ZNF425: variants seen among roughly 807,000 people sequenced by gnomAD.
ZNF425 encodes zinc finger protein 425.
Under a neutral mutation model 17.0 loss-of-function variants are expected in ZNF425, and 21 were observed. The ratio of observed to expected loss-of-function variants is 1.23; its 90% CI spans 0.88 to 1.78. The LOEUF is 1.78. Ranked by LOEUF, ZNF425 falls within the 40% of genes most tolerant of loss-of-function variation. The pLI is 0.00. For missense variants in ZNF425, 868 were observed against 967.3 expected (o/e 0.90, Z 1.36); for synonymous variants, 433 against 384.1 (o/e 1.13, Z -1.49).
chr7:149,113,569 T>TTTTTTTTTTTTG (rs3084492), intron 2 of ZNF425: 2 of 146,142 alleles, frequency 1.4e-5, no homozygotes, highest in African/African-American at 5.3e-5. Context: ...TTTTTTTTTT[T>TTTTTTTTTTTTG]GAGACGGAGT....
At chr7:149,125,983 C>T (rs1329302446) in intron 1 of ZNF425, 2 of 1,066,432 alleles carry the variant, frequency 1.9e-6, no homozygotes, top group Non-Finnish European at 2.7e-6. Context: ...CGGCCAAGCC[C>T]GGCCAGACCA....
In ZNF425 at chr7:149,112,973, C is replaced by CT. The variant is rs35291501; in HGVS notation, c.146-679dup. Among the ~76,000 whole-genome samples, 651 of 123,928 alleles carry CT rather than the reference C, an allele frequency of 5.3e-3. 8 individuals carry two copies. The highest frequency in any genetic ancestry group is 9.1e-3 in the East Asian group (40 of 4,410). The allele number at this position is 123,928 out of a possible 152,430, so 81.3% of individuals were successfully genotyped here. Reference sequence around the variant, plus strand: ...AGCCACCGCGCCCAGCCCCGTGACCCTTTTTTTTTTTTTTTTTTTTTTAGA... The same window carrying CT: ...AGCCACCGCGCCCAGCCCCGTGACCCTTTTTTTTTTTTTTTTTTTTTTTAGA... On this transcript the variant is annotated intron_variant, in intron 2 of 3. Transcript: ENST00000378061.
At chr7:149,125,915 C>A in intron 1 of ZNF425, 1 of 607,330 alleles carries the variant, frequency 1.6e-6, no homozygotes, top group East Asian at 2.9e-5. Flanking sequence ...GCAGAGCTCC[C>A]GGGCTCAAGC....
At chr7:149,125,577 G>A (rs554928874) in intron 1 of ZNF425, 15 of 155,008 alleles carry the variant, frequency 9.7e-5, no homozygotes, top group Non-Finnish European at 1.9e-4. Flanking sequence ...GAGGTTCAGA[G>A]CCCCGACACT....
At chr7:149,105,948 A>ATT (rs1563145216) in intron 3 of ZNF425, among the ~76,000 whole-genome samples, 2 of 118,234 alleles carry the variant, frequency 1.7e-5, no homozygotes, top group East Asian at 5.1e-4. Context: ...TTTAAAAAAA[A>ATT]TTTTTTTCCT....
At chr7:149,111,094 C>T (rs1209434456) in intron 3 of ZNF425, among the ~76,000 whole-genome samples, 1 of 151,930 alleles carries the variant, frequency 6.6e-6, no homozygotes, top group Non-Finnish European at 1.5e-5. Context: ...CACGCCCGGC[C>T]ATCCCTTGCC....
chr7:149,117,901 C>T (rs909044812), intron 2 of ZNF425, among the ~76,000 whole-genome samples: 1 of 152,046 alleles, frequency 6.6e-6, no homozygotes, highest in African/African-American at 2.4e-5. Flanking sequence ...ATCCACCCGC[C>T]TCAGCCTCCC....
chr7:149,111,550 C>G (rs1826176129), intron 3 of ZNF425, among the ~76,000 whole-genome samples: 1 of 116,122 alleles, frequency 8.6e-6, no homozygotes, highest in Non-Finnish European at 1.6e-5. Flanking sequence ...CGAGATTGCA[C>G]AGTTGGGCTC....
chr7:149,118,337 T>C lies in ZNF425; in HGVS notation c.30A>G (p.Thr10=), dbSNP rs115007185. The C allele has an allele frequency of 1.8e-3, 2,957 of 1,614,176 alleles. 58 individuals carry two copies. The African/African-American group carries it at 0.035, about 19-fold the overall frequency. Reference sequence around the variant, plus strand: ...AAAAATATAAGGCCACATCATCAAATGTCACAGTTACCTGGAATCACAAAT... The same window carrying C: ...AAAAATATAAGGCCACATCATCAAACGTCACAGTTACCTGGAATCACAAAT... MAEPASVTV[T]FDDVALYFSE... is the part of the protein sequence containing the mutation. The change falls in exon 2 of 4, where the codon ACA becomes ACG. Residue 10 remains threonine, a synonymous_variant. Transcript: ENST00000378061.
intron 2 of ZNF425, among the ~76,000 whole-genome samples, chr7:149,114,590 G>T (rs988708062): frequency 6.6e-6 from 1 of 151,410 alleles, no homozygotes; most frequent in Non-Finnish European, 1.5e-5. Flanking sequence ...GTAGCGATGG[G>T]GTTTCACTAT....
chr7:149,112,338 T>C (rs1198440230), intron 2 of ZNF425, 43 bp from the exon 3 acceptor site: 4 of 1,580,452 alleles, frequency 2.5e-6, no homozygotes, highest in Non-Finnish European at 3.4e-6. Flanking sequence ...ACTGCATACT[T>C]AAATAATTTT....
rs936745303 is a variant in ZNF425, at chr7:149,107,114, A to G, written c.305-1548T>C. ...AAAGTGAGACTGTCTCAAAAAAAAAAAAAAAAAAATTTTTAAGGAGGACAG... is the reference window on the plus strand; with the variant it reads ...AAAGTGAGACTGTCTCAAAAAAAAAGAAAAAAAAATTTTTAAGGAGGACAG... On this transcript the variant is annotated intron_variant, in intron 3 of 3. Coordinates refer to ENST00000378061, the MANE Select transcript of ZNF425 (RefSeq NM_001001661.3). 1.4e-3 allele frequency among the ~76,000 whole-genome samples: 206 copies of G among 151,874 alleles called. 3 individuals are homozygous for G. The highest frequency in any genetic ancestry group is 4.3e-3 in the African/African-American group (179 of 41,404).
chr7:149,108,716 AC>A (rs1370931561), intron 3 of ZNF425, among the ~76,000 whole-genome samples: 1 of 151,928 alleles, frequency 6.6e-6, no homozygotes, highest in African/African-American at 2.4e-5. Flanking sequence ...ACACGGTGAA[AC>A]CCCATCTCTA....
chr7:149,117,927 C>T (rs1826293030), intron 2 of ZNF425, among the ~76,000 whole-genome samples: 1 of 152,082 alleles, frequency 6.6e-6, no homozygotes, highest in East Asian at 1.9e-4. Flanking sequence ...GCTGGGATTA[C>T]AGGCGTGAGC....
At chr7:149,114,982 T>C (rs1332508783) in intron 2 of ZNF425, among the ~76,000 whole-genome samples, 1 of 143,368 alleles carries the variant, frequency 7.0e-6, no homozygotes, top group Non-Finnish European at 1.5e-5. Flanking sequence ...TCACCCAGGC[T>C]GGACTGCAGA....
At chr7:149,114,805 A>G (rs1826233460) in intron 2 of ZNF425, among the ~76,000 whole-genome samples, 1 of 151,222 alleles carries the variant, frequency 6.6e-6, no homozygotes, top group Non-Finnish European at 1.5e-5. Context: ...AAAAGAAAAG[A>G]AAAGAAAAGA....
intron 1 of ZNF425, among the ~76,000 whole-genome samples, chr7:149,122,689 TTTTG>T (rs1249507019): frequency 2.0e-5 from 3 of 151,464 alleles, no homozygotes; most frequent in Non-Finnish European, 4.4e-5. Flanking sequence ...GACGTGGGTT[TTTTG>T]TTTTTGTTTT....
In ZNF425 at chr7:149,103,732, C is replaced by G; in HGVS notation, c.2139G>C (p.Leu713=). Reference sequence around the variant, plus strand: ...AAGGCCTCTCCCCACTGTGAAGGCACAGATGGGCCTTCAGGCTTCTCTTCT... The same window carrying G: ...AAGGCCTCTCCCCACTGTGAAGGCAGAGATGGGCCTTCAGGCTTCTCTTCT... ...FLQKRSLKAH[L]CLHSGERPFS... The change falls in exon 4 of 4, where the codon CTG becomes CTC. Residue 713 remains leucine, a synonymous_variant. Transcript: ENST00000378061. The G allele has an allele frequency of 6.2e-7, 1 of 1,614,210 alleles. No homozygotes were observed. Among genetic ancestry groups the G allele is most frequent in the East Asian group, 2.2e-5 (1 of 44,884 alleles).
In ZNF425 at chr7:149,104,013, G is replaced by A. The variant is rs750605283; in HGVS notation, c.1858C>T (p.Arg620Cys). 13 of 1,613,704 alleles carry A rather than the reference G, an allele frequency of 8.1e-6. No homozygotes were observed. The highest frequency in any genetic ancestry group is 7.7e-5 in the South Asian group (7 of 91,072). The change falls in exon 4 of 4, where the codon CGC (arginine) becomes TGC (cysteine). Residue 620 changes from arginine to cysteine, a missense_variant. Coordinates refer to ENST00000378061, the MANE Select transcript of ZNF425 (RefSeq NM_001001661.3). The surrounding 1 kb of genome is among the most constrained non-coding windows in gnomAD (Gnocchi z 4.3). ...YQCPECEKTF[R>C]LKGNLKSHLL... ...TGGCTTTTCAGGTTTCCCTTGAGGC[G>A]GAAAGTCTTCTCGCATTCAGGACAC... is the stretch of plus-strand genomic sequence containing the variant.
Sources: allele counts gnomAD v4.1 joint callset (sites outside exome capture counted in the v4.1 genomes callset), GRCh38; gene constraint gnomAD v4.1.1; non-coding constraint Gnocchi (gnomAD v3.1); transcripts MANE v1.5; gene names NCBI Gene and HGNC (gene_info 2026-07-23, HGNC 2026-07-21).